Variants in ARID4A observed in about 807,000 individuals in gnomAD.
ARID4A encodes the protein AT-rich interaction domain 4A.
In ARID4A, 39 loss-of-function variants were observed where a neutral mutation model predicts 148.6. That is an observed-to-expected ratio of 0.26 (90% CI 0.20 to 0.34). The LOEUF is 0.34. Ranked by LOEUF, ARID4A falls within the 10% of genes least tolerant of loss-of-function variation. The pLI is 1.00. For missense variants in ARID4A, 1,265 were observed against 1,449.1 expected (o/e 0.87, Z 2.06); for synonymous variants, 475 against 481.2 (o/e 0.99, Z 0.17).
intron 23 of ARID4A, among the ~76,000 whole-genome samples, chr14:58,371,105 C>T (rs948847602): frequency 4.6e-5 from 7 of 151,966 alleles, no homozygotes; most frequent in East Asian, 1.9e-4. Context: ...GCCTGGGCAA[C>T]GTAGTGAAAT....
intron 8 of ARID4A, among the ~76,000 whole-genome samples, chr14:58,325,843 AGGTT>A (rs1272767139): frequency 6.6e-6 from 1 of 152,018 alleles, no homozygotes; most frequent in East Asian, 1.9e-4. Flanking sequence ...TTCAGATTGT[AGGTT>A]TGCCAAGAGT....
At chr14:58,363,738 G>A (rs373287229) in intron 19 of ARID4A, among the ~76,000 whole-genome samples, 2 of 151,888 alleles carry the variant, frequency 1.3e-5, no homozygotes, top group East Asian at 1.9e-4. Context: ...TCTTTCCACA[G>A]TTATTTTAAG....
intron 3 of ARID4A, chr14:58,303,736 G>C (rs2031379899): frequency 7.6e-6 from 2 of 263,702 alleles, no homozygotes; most frequent in South Asian, 3.5e-5. Context: ...CCCCACCCCA[G>C]ATCTACTTCA....
At chr14:58,312,254 T>A (rs1033583974) in intron 5 of ARID4A, among the ~76,000 whole-genome samples, 4 of 151,832 alleles carry the variant, frequency 2.6e-5, no homozygotes, top group African/African-American at 7.3e-5. Context: ...TCTCGCTTTG[T>A]TGCCCAGGCT....
intron 23 of ARID4A, among the ~76,000 whole-genome samples, chr14:58,367,630 G>A (rs2035413222): frequency 6.6e-6 from 1 of 152,228 alleles, no homozygotes; most frequent in Admixed American, 6.5e-5. Context: ...GGTTACTTTG[G>A]AGTAGTCAGA....
chr14:58,305,472 G>T (rs1388706707), intron 4 of ARID4A, among the ~76,000 whole-genome samples: 1 of 152,038 alleles, frequency 6.6e-6, no homozygotes, highest in Non-Finnish European at 1.5e-5. Flanking sequence ...TAATAAATCT[G>T]TTATATCAGA....
chr14:58,326,120 G>C (rs1308436517), intron 8 of ARID4A, among the ~76,000 whole-genome samples: 1 of 152,126 alleles, frequency 6.6e-6, no homozygotes, highest in African/African-American at 2.4e-5. Context: ...AGGATTTAAA[G>C]ATAGTAGGCA....
chr14:58,319,302 C>A (rs543144641), intron 7 of ARID4A, among the ~76,000 whole-genome samples: 1 of 151,268 alleles, frequency 6.6e-6, no homozygotes, highest in Non-Finnish European at 1.5e-5. Context: ...CTCCTGACCT[C>A]GTGATCCACC....
At chr14:58,320,003 A>C (rs1404771527) in intron 7 of ARID4A, among the ~76,000 whole-genome samples, 1 of 137,690 alleles carries the variant, frequency 7.3e-6, no homozygotes, top group Non-Finnish European at 1.5e-5. Context: ...GCTGGAGTGC[A>C]GTGGTGCAAT....
chr14:58,364,651 G>T lies in ARID4A; in HGVS notation c.2562G>T (p.Lys854Asn), dbSNP rs1176975089. 4.3e-6 allele frequency: 7 copies of T among 1,613,832 alleles called. No individual in the cohort carries two copies. The highest frequency in any genetic ancestry group is 5.9e-6 in the Non-Finnish European group (7 of 1,179,918). ...DEIDQCVKEK[K>N]LKRKILGQSS... ...TTGACCAATGTGTGAAAGAAAAGAA[G>T]TTGAAACGGAAAATACTAGGACAAT... Residue 854 changes from lysine to asparagine, a missense_variant, in exon 20 of 24, where the codon AAG (lysine) becomes AAT (asparagine). Transcript: ENST00000355431.
intron 17 of ARID4A, among the ~76,000 whole-genome samples, chr14:58,354,437 C>T (rs2034778539): frequency 6.6e-6 from 1 of 152,138 alleles, no homozygotes; most frequent in Admixed American, 6.5e-5. Context: ...AATCCCAGCA[C>T]TTTGGGAGGT....
intron 5 of ARID4A, among the ~76,000 whole-genome samples, chr14:58,317,213 T>C (rs1020352880): frequency 6.7e-6 from 1 of 149,566 alleles, no homozygotes; most frequent in South Asian, 2.1e-4. Context: ...AAAAAAGTAG[T>C]AAAAGCAAAA....
chr14:58,299,846 C>A lies in ARID4A; in HGVS notation c.-9C>A. On this transcript the variant is annotated 5_prime_UTR_variant, in exon 2 of 24. Transcript: ENST00000355431. ...CGCTGAGCTGGAACCCCACAGATCA[C>A]CAACAAAAATGAAGGTAAGTGGAGT... 6.2e-7 allele frequency: 1 copy of A among 1,614,232 alleles called. No individual in the cohort carries two copies. Among genetic ancestry groups the A allele is most frequent in the Non-Finnish European group, 8.5e-7 (1 of 1,180,038 alleles).
chr14:58,362,892 A>G (rs1288162957), intron 19 of ARID4A, among the ~76,000 whole-genome samples: 1 of 152,182 alleles, frequency 6.6e-6, no homozygotes, highest in East Asian at 1.9e-4. Flanking sequence ...TGTCTTATAT[A>G]AAAATTTCTC....
chr14:58,336,220 T>C (rs956893178), intron 11 of ARID4A, among the ~76,000 whole-genome samples: 4 of 152,268 alleles, frequency 2.6e-5, no homozygotes, highest in Non-Finnish European at 1.5e-5. Context: ...TGCATTCTTA[T>C]AATACACATA....
At chr14:58,312,331 C>T (rs943363151) in intron 5 of ARID4A, among the ~76,000 whole-genome samples, 1 of 151,798 alleles carries the variant, frequency 6.6e-6, no homozygotes, top group Non-Finnish European at 1.5e-5. Flanking sequence ...ATTCTCCTGC[C>T]TCAGTTTCCC....
rs2030775865 is a variant in ARID4A, at chr14:58,298,666, T to G, written c.-92T>G. The G allele has an allele frequency of 2.6e-5, 4 of 152,582 alleles. No individual in the cohort carries two copies. Among genetic ancestry groups the G allele is most frequent in the Admixed American group, 2.6e-4 (4 of 15,282 alleles). 9.5% of individuals were successfully genotyped at this position (152,582 alleles called of 1,614,324 possible). On this transcript the variant is annotated 5_prime_UTR_variant, in exon 1 of 24. Transcript: ENST00000355431. Reference sequence around the variant, plus strand: ...CACGGAGGTCAGAGGGGAGGAGGACTCTGGAGCTGACAGCGCGCACTTCAC... The same window carrying G: ...CACGGAGGTCAGAGGGGAGGAGGACGCTGGAGCTGACAGCGCGCACTTCAC...
intron 11 of ARID4A, among the ~76,000 whole-genome samples, chr14:58,340,674 G>T (rs557928198): frequency 6.6e-6 from 1 of 151,370 alleles, no homozygotes; most frequent in African/African-American, 2.4e-5. Context: ...TAGTAGAGAC[G>T]GGACTTCACC....
chr14:58,335,839 T>G (rs2033787481), intron 11 of ARID4A, among the ~76,000 whole-genome samples: 1 of 152,182 alleles, frequency 6.6e-6, no homozygotes, highest in South Asian at 2.1e-4. Context: ...CCTGCTCGAA[T>G]AGCTCTCAAA....
Sources: gnomAD v4.1 joint callset for allele counts (sites outside exome capture counted in the v4.1 genomes callset) on GRCh38, gnomAD v4.1.1 for gene constraint, MANE v1.5 for transcripts, NCBI Gene and HGNC (gene_info 2026-07-23, HGNC 2026-07-21) for gene names.